DTD1: variants seen among roughly 807,000 people sequenced by gnomAD.
DTD1 encodes D-tyrosyl-tRNA deacylase 1 homolog.
In DTD1, 13 loss-of-function variants were observed where a neutral mutation model predicts 25.6. The ratio of observed to expected loss-of-function variants is 0.51; its 90% CI spans 0.33 to 0.81. The LOEUF (loss-of-function observed/expected upper bound fraction) is 0.81. DTD1 is among the 30% of genes least tolerant of loss of function. DTD1 has a pLI of 0.02. For synonymous variants in DTD1, 110 were observed against 103.6 expected, an observed-to-expected ratio of 1.06 and a Z score of -0.37; for missense variants, 193 against 266.4, an observed-to-expected ratio of 0.72 and a Z score of 1.92.
intron 4 of DTD1, among the ~76,000 whole-genome samples, chr20:18,693,317 C>T (rs1323663290): frequency 1.3e-5 from 2 of 152,122 alleles, no homozygotes; most frequent in South Asian, 2.1e-4. Context: ...AGAAGTTAGT[C>T]AGTGAATAAC....
intron 5 of DTD1, among the ~76,000 whole-genome samples, chr20:18,751,138 G>A (rs985196042): frequency 6.6e-6 from 1 of 151,408 alleles, no homozygotes; most frequent in Non-Finnish European, 1.5e-5. Flanking sequence ...TGTTCTTTTC[G>A]CCATACAAGG....
At chr20:18,756,298 G>T (rs1048550183) in intron 5 of DTD1, among the ~76,000 whole-genome samples, 21 of 152,060 alleles carry the variant, frequency 1.4e-4, no homozygotes, top group Admixed American at 2.6e-4. Context: ...GTCAATTTTG[G>T]CTTTTGTTGC....
At chr20:18,588,147 C>T (rs955947424) in intron 1 of DTD1, 32 bp downstream of exon 1, 3 of 1,241,342 alleles carry the variant, frequency 2.4e-6, no homozygotes, top group South Asian at 3.3e-5. Context: ...CCGGGAGGAG[C>T]CGCCCCTGAC....
intron 5 of DTD1, among the ~76,000 whole-genome samples, chr20:18,744,655 A>AACAC (rs10632823): frequency 8.3e-6 from 1 of 119,916 alleles, no homozygotes; most frequent in Non-Finnish European, 1.7e-5. Flanking sequence ...AAAACAAAAA[A>AACAC]CAAGTGAAAG....
chr20:18,668,370 A>G (rs955414597), intron 4 of DTD1, among the ~76,000 whole-genome samples: 2 of 152,240 alleles, frequency 1.3e-5, no homozygotes, highest in Non-Finnish European at 2.9e-5. Context: ...CATGATAAAC[A>G]GGTCAGTTCC....
chr20:18,595,877 C>T (rs2060608952), intron 2 of DTD1, 129 bp from the exon 3 acceptor site: 1 of 746,042 alleles, frequency 1.3e-6, no homozygotes, highest in Non-Finnish European at 2.3e-6. Context: ...TGAGGTCATG[C>T]CTCCTGTCAG....
At position 18,744,445 on chromosome 20, in the gene DTD1, C is replaced by T. The variant is rs192794019; in HGVS notation, c.*19+174C>T. Among the ~76,000 whole-genome samples, 6 of 152,194 alleles carry T rather than the reference C, an allele frequency of 3.9e-5. No individual in the cohort carries two copies. In the East Asian group the frequency reaches 9.7e-4, roughly 25 times the overall value. On this transcript the variant is annotated intron_variant, in intron 5 of 5. Coordinates refer to ENST00000377452, the MANE Select transcript of DTD1 (RefSeq NM_080820.6). ...AAGTTAGTGTGTTAGTCCGTTTTCA[C>T]GCTGCTGATAAAGACATACCTGAGA... is the stretch of plus-strand genomic sequence containing the variant.
At chr20:18,747,863 A>AAG (rs1302871203) in intron 5 of DTD1, among the ~76,000 whole-genome samples, 30 of 151,536 alleles carry the variant, frequency 2.0e-4, no homozygotes, top group African/African-American at 7.3e-4. Context: ...TACAAAAAAA[A>AAG]AAAAAATTAG....
At chr20:18,750,087 G>A (rs986891690) in intron 5 of DTD1, among the ~76,000 whole-genome samples, 5 of 152,188 alleles carry the variant, frequency 3.3e-5, no homozygotes, top group Non-Finnish European at 7.3e-5. Context: ...ACAACTAGCC[G>A]AGGACCAGAG....
chr20:18,608,015 G>C (rs1466854958), intron 3 of DTD1, among the ~76,000 whole-genome samples: 1 of 152,102 alleles, frequency 6.6e-6, no homozygotes, highest in Non-Finnish European at 1.5e-5. Context: ...CACCCAGCCT[G>C]TCTATTTCTT....
chr20:18,703,637 A>G (rs2061114194), intron 4 of DTD1, among the ~76,000 whole-genome samples: 1 of 150,830 alleles, frequency 6.6e-6, no homozygotes, highest in Admixed American at 6.6e-5. Flanking sequence ...TAATCTCCCA[A>G]CCTTTCTACT....
Position 18,654,924 on chromosome 20 carries a change from T to C in DTD1, c.477+26691T>C, listed in dbSNP as rs941509681. ...TGTCTTTAAAAGCATCAATCAATAT[T>C]AACAGTGCTTTTAAAGTGAGATTAC... is the stretch of plus-strand genomic sequence containing the variant. On this transcript the variant is annotated intron_variant, in intron 4 of 5. Coordinates refer to ENST00000377452, the MANE Select transcript of DTD1 (RefSeq NM_080820.6). Among the ~76,000 whole-genome samples, 15 of 152,328 alleles carry C rather than the reference T, an allele frequency of 9.8e-5. No individual in the cohort carries two copies. In the South Asian group the frequency reaches 1.0e-3, roughly 11 times the overall value.
At chr20:18,738,178 A>G (rs2061263979) in intron 4 of DTD1, among the ~76,000 whole-genome samples, 1 of 152,210 alleles carries the variant, frequency 6.6e-6, no homozygotes, top group Non-Finnish European at 1.5e-5. Flanking sequence ...TGAAGTTAAT[A>G]GATTAAGCAA....
At chr20:18,599,724 T>C (rs78350689) in intron 3 of DTD1, among the ~76,000 whole-genome samples, 7,625 of 152,252 alleles carry the variant, frequency 0.05, 302 homozygotes, top group Non-Finnish European at 0.071. Context: ...CTAATAGGTA[T>C]GTAGAGGTAC....
At chr20:18,745,052 A>G (rs1486209545) in intron 5 of DTD1, among the ~76,000 whole-genome samples, 1 of 152,154 alleles carries the variant, frequency 6.6e-6, no homozygotes, top group African/African-American at 2.4e-5. Flanking sequence ...TCACCGATAC[A>G]GAATCCAGAT....
At chr20:18,745,645 A>T (rs2061297212) in intron 5 of DTD1, among the ~76,000 whole-genome samples, 1 of 152,048 alleles carries the variant, frequency 6.6e-6, no homozygotes, top group Non-Finnish European at 1.5e-5. Context: ...TGCCATCTGG[A>T]GGTTGGGGGG....
intron 4 of DTD1, among the ~76,000 whole-genome samples, chr20:18,645,300 C>T (rs2060846351): frequency 6.6e-6 from 1 of 152,238 alleles, no homozygotes; most frequent in Non-Finnish European, 1.5e-5. Context: ...ATCTAATTTT[C>T]ACCTGCAGAA....
intron 4 of DTD1, among the ~76,000 whole-genome samples, chr20:18,641,713 G>GT (rs994143570): frequency 2.0e-5 from 3 of 151,890 alleles, no homozygotes; most frequent in South Asian, 2.1e-4. Flanking sequence ...ATTGCTTTGT[G>GT]TTTTTTTTAT....
intron 3 of DTD1, among the ~76,000 whole-genome samples, chr20:18,622,350 G>C (rs572223999): frequency 6.7e-4 from 102 of 152,168 alleles, no homozygotes; most frequent in Non-Finnish European, 1.1e-3. Flanking sequence ...TACTTCCTAG[G>C]GGGTGAGGAA....
Sources: allele counts gnomAD v4.1 joint callset (sites outside exome capture counted in the v4.1 genomes callset), GRCh38; gene constraint gnomAD v4.1.1; transcripts MANE v1.5; gene names NCBI Gene and HGNC (gene_info 2026-07-23, HGNC 2026-07-21).